TRPC1: variants seen among roughly 807,000 people sequenced by gnomAD.
TRPC1 encodes short transient receptor potential channel 1.
Under a neutral mutation model 88.2 loss-of-function variants are expected in TRPC1, and 42 were observed. The observed-to-expected ratio is 0.48, with a 90% confidence interval of 0.37 to 0.62. TRPC1 has a LOEUF of 0.62. TRPC1 is among the 20% of genes least tolerant of loss of function. The pLI is 0.00. For synonymous variants in TRPC1, 288 were observed against 331.8 expected (o/e 0.87, Z 1.43); for missense variants, 699 against 957.3 (o/e 0.73, Z 3.56).
At chr3:142,805,203 A>AT (rs112989705) in intron 12 of TRPC1, among the ~76,000 whole-genome samples, 47,722 of 146,944 alleles carry the variant, frequency 0.32, 10,817 homozygotes, top group African/African-American at 0.66. Context: ...TAGTACTGAG[A>AT]TTTTTTTTTT....
At chr3:142,764,016 A>AT (rs1935300275) in intron 4 of TRPC1, among the ~76,000 whole-genome samples, 36 of 137,582 alleles carry the variant, frequency 2.6e-4, no homozygotes, top group African/African-American at 1.1e-3. Flanking sequence ...ATATATATAT[A>AT]ACAAATTATT....
In TRPC1 at chr3:142,792,897, T is replaced by A; in HGVS notation, c.1511T>A (p.Phe504Tyr). The change falls in exon 9 of 13, where the codon TTT (phenylalanine) becomes TAT (tyrosine). Residue 504 changes from phenylalanine (F) to tyrosine (Y), a missense_variant. Phe to Tyr is a conservative substitution (Grantham distance 22). Coordinates refer to ENST00000476941, the MANE Select transcript of TRPC1 (RefSeq NM_001251845.2). The surrounding 1 kb of genome is among the most constrained non-coding windows in gnomAD (Gnocchi z 4.0). ...PTLVAEGLFA[F>Y]ANVLSYLRLF... The stretch of plus-strand genomic sequence containing the variant: ...CTGGTGGCAGAAGGGCTTTTTGCAT[T>A]TGCAAATGTTCTAAGTTATCTTCGT... The A allele has an allele frequency of 6.2e-7, 1 of 1,610,714 alleles. No individual in the cohort carries two copies. Among genetic ancestry groups the A allele is most frequent in the Non-Finnish European group, 8.5e-7 (1 of 1,178,018 alleles).
chr3:142,759,477 T>C (rs564518085), intron 4 of TRPC1, among the ~76,000 whole-genome samples: 92 of 152,366 alleles, frequency 6.0e-4, no homozygotes, highest in Non-Finnish European at 1.1e-3. Flanking sequence ...ATGTCTTCTT[T>C]TGAGAAGTGT....
chr3:142,748,599 T>G, intron 4 of TRPC1, 139 bp downstream of exon 4: 2 of 785,924 alleles, frequency 2.5e-6, no homozygotes, highest in Non-Finnish European at 4.0e-6. Flanking sequence ...TGTAGCTCCT[T>G]TGTTTTATAT....
intron 1 of TRPC1, among the ~76,000 whole-genome samples, chr3:142,735,871 T>A (rs952448556): frequency 6.6e-6 from 1 of 152,146 alleles, no homozygotes; most frequent in Non-Finnish European, 1.5e-5. Context: ...ATATATGTAT[T>A]TATACTGCTT....
intron 1 of TRPC1, among the ~76,000 whole-genome samples, chr3:142,735,547 T>G (rs1025043943): frequency 6.6e-6 from 1 of 152,200 alleles, no homozygotes; most frequent in Non-Finnish European, 1.5e-5. Flanking sequence ...CATATTCCTG[T>G]ACCATCTGGT....
At chr3:142,788,785 G>A (rs1936209854) in intron 7 of TRPC1, among the ~76,000 whole-genome samples, 1 of 152,020 alleles carries the variant, frequency 6.6e-6, no homozygotes. Context: ...ATAGAATGTT[G>A]GTTATGTAGT....
intron 4 of TRPC1, among the ~76,000 whole-genome samples, chr3:142,762,896 T>C (rs1935235433): frequency 1.3e-5 from 2 of 152,178 alleles, no homozygotes; most frequent in South Asian, 4.1e-4. Context: ...TTCAATAAAT[T>C]TTTAAATTTT....
chr3:142,777,808 T>C, intron 5 of TRPC1, 45 bp downstream of exon 5: 1 of 1,555,476 alleles, frequency 6.4e-7, no homozygotes, highest in Non-Finnish European at 8.7e-7. Context: ...TTTTAAATCT[T>C]CAACCTCAGT....
At chr3:142,757,692 C>T (rs1210117799) in intron 4 of TRPC1, among the ~76,000 whole-genome samples, 2 of 151,540 alleles carry the variant, frequency 1.3e-5, no homozygotes, top group Admixed American at 1.3e-4. Flanking sequence ...ATACCTAATG[C>T]ATGCGGGGCT....
chr3:142,737,084 A>G (rs1351877303), intron 2 of TRPC1, among the ~76,000 whole-genome samples: 1 of 152,126 alleles, frequency 6.6e-6, no homozygotes, highest in Non-Finnish European at 1.5e-5. Flanking sequence ...ACTTCATATC[A>G]GTTTGGGTAG....
In TRPC1 at chr3:142,767,192, A is replaced by G. The variant is rs1301543141; in HGVS notation, c.633-10440A>G. On this transcript the variant is annotated intron_variant, in intron 4 of 12. Coordinates refer to ENST00000476941, the MANE Select transcript of TRPC1 (RefSeq NM_001251845.2). The surrounding 1 kb of genome is among the most constrained non-coding windows in gnomAD (Gnocchi z 5.1). The stretch of plus-strand genomic sequence containing the variant: ...TTATTTTTACTGTTTATTCCTAAGT[A>G]TTTTATACTTTTTGATACTATTGTA... Among the ~76,000 whole-genome samples, 1 of 152,114 alleles carries G rather than the reference A, an allele frequency of 6.6e-6. No individual in the cohort carries two copies. The highest frequency in any genetic ancestry group is 6.5e-5 in the Admixed American group (1 of 15,270).
chr3:142,798,277 TAA>T (rs1936511503), intron 9 of TRPC1, among the ~76,000 whole-genome samples: 2 of 152,122 alleles, frequency 1.3e-5, no homozygotes, highest in Non-Finnish European at 2.9e-5. Context: ...ATTAAGAAAC[TAA>T]GAAAGTGGTA....
At chr3:142,742,894 C>T (rs1934405864) in intron 2 of TRPC1, among the ~76,000 whole-genome samples, 1 of 152,128 alleles carries the variant, frequency 6.6e-6, no homozygotes, top group South Asian at 2.1e-4. Flanking sequence ...TCCCTCCAGT[C>T]TCCATGAACT....
At chr3:142,781,358 T>C (rs1935953146) in intron 6 of TRPC1, among the ~76,000 whole-genome samples, 1 of 152,208 alleles carries the variant, frequency 6.6e-6, no homozygotes, top group Non-Finnish European at 1.5e-5. Flanking sequence ...ACAGGTAAGA[T>C]CCTTTGTAGT....
At chr3:142,736,612 TTTC>T in intron 2 of TRPC1, 79 bp downstream of exon 2, 1 of 1,242,274 alleles carries the variant, frequency 8.0e-7, no homozygotes. Flanking sequence ...TCTTGTTTTC[TTTC>T]TTCTTTTTCC....
chr3:142,744,413 T>C (rs1009090348), intron 3 of TRPC1, among the ~76,000 whole-genome samples: 3 of 152,130 alleles, frequency 2.0e-5, no homozygotes, highest in African/African-American at 7.2e-5. Flanking sequence ...AAGGAAATGG[T>C]CAGAAATGTG....
intron 4 of TRPC1, among the ~76,000 whole-genome samples, chr3:142,759,508 C>T (rs1419613233): frequency 6.6e-6 from 1 of 152,172 alleles, no homozygotes; most frequent in Non-Finnish European, 1.5e-5. Context: ...CCTTTGCCCA[C>T]TTTTTGATGG....
chr3:142,755,384 C>T (rs1287210268), intron 4 of TRPC1, among the ~76,000 whole-genome samples: 1 of 152,138 alleles, frequency 6.6e-6, no homozygotes, highest in Non-Finnish European at 1.5e-5. Context: ...AAGATTGCAC[C>T]ATTGCACTCC....
Sources: allele counts gnomAD v4.1 joint callset (sites outside exome capture counted in the v4.1 genomes callset), GRCh38; gene constraint gnomAD v4.1.1; non-coding constraint Gnocchi (gnomAD v3.1); transcripts MANE v1.5; gene names NCBI Gene and HGNC (gene_info 2026-07-23, HGNC 2026-07-21).